JAK2: variants seen among roughly 807,000 people sequenced by gnomAD.
JAK2 encodes Janus kinase 2, also known as tyrosine-protein kinase JAK2.
Under a neutral mutation model 139.3 loss-of-function variants are expected in JAK2, and 86 were observed. The observed-to-expected ratio is 0.62, with a 90% confidence interval of 0.52 to 0.74. The LOEUF is 0.74. JAK2 is among the 30% of genes least tolerant of loss of function. The pLI, the probability that JAK2 is intolerant of heterozygous loss-of-function variation, is 0.00. For missense variants in JAK2, 1,421 were observed against 1,360.3 expected, an observed-to-expected ratio of 1.04 and a Z score of -0.70; for synonymous variants, 490 against 437.7, an observed-to-expected ratio of 1.12 and a Z score of -1.49.
chr9:5,105,714 G>A (rs528140145), intron 22 of JAK2, among the ~76,000 whole-genome samples: 2 of 152,224 alleles, frequency 1.3e-5, no homozygotes, highest in South Asian at 4.1e-4. Flanking sequence ...TACCCAAACA[G>A]AGATAGACCA....
rs1396777828 is a variant in JAK2, at chr9:5,080,325, T to A, written c.2228T>A (p.Leu743Ter). Residue 743 changes from leucine (L) to a stop codon, truncating the protein, a stop_gained, in exon 17 of 25, where the codon TTG (leucine) becomes TAG (stop). Transcript: ENST00000381652. LOFTEE classifies it high-confidence loss of function. ...GACAAATGGAGTTTTGGTACCACTT[T>A]GTGGGAAATCTGCAGTGGAGGAGAT... ...ATDKWSFGTTLWEICSGGDKP... is the reference protein window; with the variant it reads ...ATDKWSFGTT 1 of 1,613,984 alleles carries A rather than the reference T, an allele frequency of 6.2e-7. No homozygotes were observed. Among genetic ancestry groups the A allele is most frequent in the Non-Finnish European group, 8.5e-7 (1 of 1,179,870 alleles).
At chr9:4,997,273 G>A (rs1336720029) in intron 2 of JAK2, among the ~76,000 whole-genome samples, 1 of 152,092 alleles carries the variant, frequency 6.6e-6, no homozygotes, top group Admixed American at 6.6e-5. Flanking sequence ...AATACCTGAG[G>A]CTGAGTAATT....
chr9:4,987,734 T>TA (rs60356569), intron 2 of JAK2, among the ~76,000 whole-genome samples: 1,300 of 126,640 alleles, frequency 0.01, 14 homozygotes, highest in South Asian at 0.025. Context: ...AGACTCTGTC[T>TA]AAAAAAAAAA....
chr9:5,076,557 A>G (rs1819322106), intron 14 of JAK2, among the ~76,000 whole-genome samples: 1 of 152,168 alleles, frequency 6.6e-6, no homozygotes, highest in African/African-American at 2.4e-5. Context: ...GCTGTTGCAC[A>G]CTAAATAGAC....
intron 4 of JAK2, among the ~76,000 whole-genome samples, chr9:5,038,282 T>C (rs978322800): frequency 6.6e-6 from 1 of 152,076 alleles, no homozygotes; most frequent in Admixed American, 6.5e-5. Flanking sequence ...CTATGACAAA[T>C]AAAGAAATCA....
intron 8 of JAK2, among the ~76,000 whole-genome samples, chr9:5,059,213 T>C (rs2130446114): frequency 6.6e-6 from 1 of 152,322 alleles, no homozygotes; most frequent in South Asian, 2.1e-4. Context: ...GGTTTCCACA[T>C]GCATCTTCCC....
intron 22 of JAK2, chr9:5,110,891 A>G: frequency 1.9e-6 from 1 of 537,770 alleles, no homozygotes; most frequent in Non-Finnish European, 3.6e-6. Flanking sequence ...CATGTCTGAG[A>G]TGCCCGCTCT....
At chr9:5,046,551 G>T (rs1286595569) in intron 5 of JAK2, among the ~76,000 whole-genome samples, 2 of 152,106 alleles carry the variant, frequency 1.3e-5, no homozygotes, top group African/African-American at 4.8e-5. Flanking sequence ...TTTAGGCATT[G>T]GGTCCATTTT....
At chr9:5,050,107 C>A (rs537013700) in intron 5 of JAK2, among the ~76,000 whole-genome samples, 1 of 152,026 alleles carries the variant, frequency 6.6e-6, no homozygotes, top group Non-Finnish European at 1.5e-5. Context: ...TCAGTAATAT[C>A]TACTTTAATT....
intron 19 of JAK2, among the ~76,000 whole-genome samples, chr9:5,083,852 G>A (rs1196350404): frequency 1.3e-5 from 2 of 152,170 alleles, no homozygotes; most frequent in Middle Eastern, 3.4e-3. Flanking sequence ...ATGAAGATAC[G>A]TTCCATTTGT....
intron 2 of JAK2, among the ~76,000 whole-genome samples, chr9:5,001,535 C>T (rs1820927726): frequency 6.6e-6 from 1 of 152,030 alleles, no homozygotes. Flanking sequence ...TGGAATAAAA[C>T]CCACTTGGTG....
chr9:5,122,352 A>G (rs1245891733), intron 22 of JAK2, among the ~76,000 whole-genome samples: 1 of 152,040 alleles, frequency 6.6e-6, no homozygotes, highest in Admixed American at 6.6e-5. Context: ...TGTATTCCTT[A>G]GTCACCCCTC....
chr9:5,042,019 G>T (rs1413175609), intron 4 of JAK2: 4 of 324,308 alleles, frequency 1.2e-5, no homozygotes, highest in Non-Finnish European at 1.8e-5. Flanking sequence ...GCGGCCCAGG[G>T]CCAGACGCTG....
chr9:5,016,114 T>C (rs997293467), intron 2 of JAK2, among the ~76,000 whole-genome samples: 6 of 152,102 alleles, frequency 3.9e-5, no homozygotes, highest in African/African-American at 1.2e-4. Context: ...TCCCTCCAAA[T>C]AGACTATTGG....
At chr9:5,124,310 C>CTA (rs1823835791) in intron 23 of JAK2, among the ~76,000 whole-genome samples, 1 of 151,626 alleles carries the variant, frequency 6.6e-6, no homozygotes, top group Admixed American at 6.6e-5. Flanking sequence ...AAAGTTTTCT[C>CTA]TAGGTTTTTT....
rs371892710 is a variant in JAK2, at chr9:5,038,985, T to C, written c.351-5418T>C. ...ATCATTATAAAAAAACTCAACACAA[T>C]AGGAATGGCAAGGAACTTCCTCAAT... On this transcript the variant is annotated intron_variant, in intron 4 of 24. Coordinates refer to ENST00000381652, the MANE Select transcript of JAK2 (RefSeq NM_004972.4). Among the ~76,000 whole-genome samples the C allele has an allele frequency of 1.0e-3, 159 of 152,080 alleles. 1 individual carries two copies. The highest frequency in any genetic ancestry group is 3.6e-3 in the African/African-American group (151 of 41,516).
chr9:5,066,751 A>G lies in JAK2; in HGVS notation c.1288A>G (p.Lys430Glu), dbSNP rs905659568. The change falls in exon 10 of 25, where the codon AAG becomes GAG. Residue 430 changes from lysine (K) to glutamate (E), a missense_variant. Transcript: ENST00000381652. Reference sequence around the variant, plus strand: ...ACTGTATGTACTTCGATGCAGTCCTAAGGACTTTAATAAATATTTTTTGAC... The same window carrying G: ...ACTGTATGTACTTCGATGCAGTCCTGAGGACTTTAATAAATATTTTTTGAC... ...TGLYVLRCSP[K>E]DFNKYFLTFA... 1 of 1,578,534 alleles carries G rather than the reference A, an allele frequency of 6.3e-7. No individual in the cohort carries two copies. Among genetic ancestry groups the G allele is most frequent in the African/African-American group, 1.4e-5 (1 of 72,864 alleles).
At chr9:5,030,414 G>A (rs531535405) in intron 4 of JAK2, among the ~76,000 whole-genome samples, 3 of 152,006 alleles carry the variant, frequency 2.0e-5, no homozygotes, top group East Asian at 3.9e-4. Context: ...TTTTTTGCTC[G>A]AAAGGATGAA....
rs757058072 is a variant in JAK2, at chr9:5,073,666, C to A, written c.1777-32C>A. The A allele has an allele frequency of 3.3e-6, 5 of 1,514,360 alleles. No homozygotes were observed. The South Asian group carries it at 4.6e-5, about 14-fold the overall frequency. 93.8% of individuals were successfully genotyped at this position (1,514,360 alleles called of 1,614,324 possible). On this transcript the variant is annotated intron_variant, in intron 13 of 24. Coordinates refer to ENST00000381652, the MANE Select transcript of JAK2 (RefSeq NM_004972.4). ...GAACTATTTATGGACAACAGTCAAA[C>A]AACAATTCTTTGTACTTTTTTTTTT...
Sources: gnomAD v4.1 joint callset for allele counts (sites outside exome capture counted in the v4.1 genomes callset) on GRCh38, gnomAD v4.1.1 for gene constraint, MANE v1.5 for transcripts, NCBI Gene and HGNC (gene_info 2026-07-23, HGNC 2026-07-21) for gene names.